The following CSMD1 variants were observed in gnomAD, a reference collection of about 807,000 sequenced individuals.
CSMD1 encodes the protein CUB and Sushi multiple domains 1, also known as CUB and sushi domain-containing protein 1.
In CSMD1, 213 loss-of-function variants were observed where a neutral mutation model predicts 417.5. The ratio of observed to expected loss-of-function variants is 0.51; its 90% CI spans 0.46 to 0.57. The LOEUF is 0.57. Among genes scored for constraint, CSMD1 ranks in the 20% least tolerant of loss-of-function variants. The probability of loss-of-function intolerance (pLI) is 0.00; values close to 1 mark genes in which losing one functional copy is unlikely to be tolerated. For synonymous variants in CSMD1, 2,862 were observed against 1,736.8 expected (o/e 1.65, Z -16.11); for missense variants, 6,923 against 4,529.7 (o/e 1.53, Z -15.17).
At chr8:4,506,286 C>T (rs1802521843) in intron 2 of CSMD1, among the ~76,000 whole-genome samples, 2 of 152,184 alleles carry the variant, frequency 1.3e-5, no homozygotes, top group Admixed American at 6.5e-5. Flanking sequence ...TTCATGGAAG[C>T]TTCGGTGATG....
At chr8:3,758,755 T>C (rs563680102) in intron 5 of CSMD1, among the ~76,000 whole-genome samples, 1 of 152,194 alleles carries the variant, frequency 6.6e-6, no homozygotes, top group Non-Finnish European at 1.5e-5. Flanking sequence ...GGTCCTGCTC[T>C]CTGGAGACTG....
At chr8:4,607,053 A>C (rs1176145452) in intron 2 of CSMD1, among the ~76,000 whole-genome samples, 1 of 152,166 alleles carries the variant, frequency 6.6e-6, no homozygotes, top group Admixed American at 6.5e-5. Flanking sequence ...TTGCTCTTCA[A>C]CCATATTATT....
chr8:4,268,275 A>C (rs902136421), intron 3 of CSMD1, among the ~76,000 whole-genome samples: 1 of 152,154 alleles, frequency 6.6e-6, no homozygotes, highest in Non-Finnish European at 1.5e-5. Context: ...GAGTTTCTAT[A>C]TTTGAACAAA....
intron 5 of CSMD1, among the ~76,000 whole-genome samples, chr8:3,928,826 A>AC (rs1584982401): frequency 9.3e-6 from 1 of 107,430 alleles, no homozygotes; most frequent in East Asian, 2.8e-4. Flanking sequence ...GATTCCACCT[A>AC]CCCCAGGTCA....
intron 2 of CSMD1, among the ~76,000 whole-genome samples, chr8:4,442,985 G>A (rs1278103097): frequency 6.6e-6 from 1 of 152,086 alleles, no homozygotes; most frequent in Admixed American, 6.5e-5. Flanking sequence ...TAGTGTCATT[G>A]CTTTAACTCT....
chr8:4,761,904 T>A (rs368199230), intron 1 of CSMD1, among the ~76,000 whole-genome samples: 14,400 of 88,888 alleles, frequency 0.16, 1,014 homozygotes, highest in African/African-American at 0.18. Context: ...CCTATCTATC[T>A]ATCTATCAAT....
chr8:4,890,908 G>C (rs1216129434), intron 1 of CSMD1, among the ~76,000 whole-genome samples: 2 of 152,094 alleles, frequency 1.3e-5, no homozygotes, highest in African/African-American at 4.8e-5. Flanking sequence ...CACAAGGAGG[G>C]AGTGGTGCAC....
intron 41 of CSMD1, among the ~76,000 whole-genome samples, chr8:3,140,327 TTC>T (rs531790394): frequency 0.058 from 7,790 of 133,724 alleles, 639 homozygotes; most frequent in African/African-American, 0.19. Context: ...CTCTCTGATG[TTC>T]TCTCTCTCTC....
intron 3 of CSMD1, among the ~76,000 whole-genome samples, chr8:4,331,179 C>G (rs1799849514): frequency 1.3e-5 from 2 of 152,094 alleles, no homozygotes; most frequent in South Asian, 4.1e-4. Flanking sequence ...AAGAATAAAC[C>G]AGAAAATCTT....
chr8:3,634,930 C>A (rs570285022), intron 7 of CSMD1, among the ~76,000 whole-genome samples: 1 of 152,116 alleles, frequency 6.6e-6, no homozygotes, highest in Admixed American at 6.5e-5. Context: ...AGGCTACAAA[C>A]TCACACCACA....
intron 26 of CSMD1, among the ~76,000 whole-genome samples, chr8:3,263,357 C>T (rs1301132258): frequency 6.6e-6 from 1 of 152,204 alleles, no homozygotes; most frequent in East Asian, 1.9e-4. Context: ...CCTTGACCTG[C>T]CAAAGTGCTG....
chr8:4,696,067 T>C (rs1807109789), intron 1 of CSMD1, among the ~76,000 whole-genome samples: 1 of 152,202 alleles, frequency 6.6e-6, no homozygotes, highest in African/African-American at 2.4e-5. Flanking sequence ...ACATGGATTT[T>C]AACGGTATCT....
At chr8:4,324,753 G>C (rs1190043735) in intron 3 of CSMD1, among the ~76,000 whole-genome samples, 5 of 152,240 alleles carry the variant, frequency 3.3e-5, no homozygotes, top group African/African-American at 1.2e-4. Flanking sequence ...AGTTTATTTT[G>C]TTTCAGCCCC....
At chr8:3,009,248 C>G (rs920356243) in intron 52 of CSMD1, among the ~76,000 whole-genome samples, 2 of 152,206 alleles carry the variant, frequency 1.3e-5, no homozygotes, top group Non-Finnish European at 2.9e-5. Context: ...AGGACAAATA[C>G]TAAATATTGG....
At chr8:4,938,281 T>G (rs1807757577) in intron 1 of CSMD1, among the ~76,000 whole-genome samples, 1 of 152,186 alleles carries the variant, frequency 6.6e-6, no homozygotes. Flanking sequence ...TGTTGGACTT[T>G]GCAGAGTGGG....
At chr8:3,977,611 T>G (rs984881574) in intron 5 of CSMD1, among the ~76,000 whole-genome samples, 2 of 152,326 alleles carry the variant, frequency 1.3e-5, no homozygotes, top group East Asian at 1.9e-4. Flanking sequence ...TCAAAGTGAG[T>G]GCTAAGAAGA....
chr8:3,521,045 C>A (rs1041258403), intron 10 of CSMD1, among the ~76,000 whole-genome samples: 1 of 152,186 alleles, frequency 6.6e-6, no homozygotes, highest in Non-Finnish European at 1.5e-5. Context: ...ACCCCTAGAA[C>A]TTTATGCCTC....
At chr8:4,748,227 G>A (rs1811079136) in intron 1 of CSMD1, among the ~76,000 whole-genome samples, 1 of 152,140 alleles carries the variant, frequency 6.6e-6, no homozygotes, top group Non-Finnish European at 1.5e-5. Flanking sequence ...ATGGAAACAA[G>A]AAGAAAAGCA....
At chr8:3,598,469 C>A (rs1438624354) in intron 8 of CSMD1, among the ~76,000 whole-genome samples, 2 of 152,170 alleles carry the variant, frequency 1.3e-5, no homozygotes, top group East Asian at 1.9e-4. Context: ...CTGGGACCGA[C>A]CGCCCCATAG....
Sources: allele counts gnomAD v4.1 joint callset (sites outside exome capture counted in the v4.1 genomes callset), GRCh38; gene constraint gnomAD v4.1.1; transcripts MANE v1.5; gene names NCBI Gene and HGNC (gene_info 2026-07-23, HGNC 2026-07-21).